The following LRRC8E variants were observed in gnomAD, a reference collection of about 807,000 sequenced individuals.
LRRC8E encodes the protein volume-regulated anion channel subunit LRRC8E.
A neutral mutation model predicts 6.1 loss-of-function variants in LRRC8E; 6 were observed. That is an observed-to-expected ratio of 0.98 (90% confidence interval 0.54 to 1.93). The LOEUF (loss-of-function observed/expected upper bound fraction) is 1.93, where lower values mean the gene tolerates loss of function less well. LRRC8E is among the 30% of genes most tolerant of loss of function. The pLI is 0.01. For missense variants in LRRC8E, 1,028 were observed against 1,031.4 expected (o/e 1.00, Z 0.04); for synonymous variants, 485 against 472.8 (o/e 1.03, Z -0.33).
At chr19:7,893,548 T>TC (rs935040004) in intron 1 of LRRC8E, 14 of 56,632 alleles carry the variant, frequency 2.5e-4, no homozygotes, top group African/African-American at 6.5e-4. Context: ...ACCCATGACT[T>TC]TTTTTTTTTT....
At chr19:7,891,523 G>GT (rs1981307020) in intron 1 of LRRC8E, among the ~76,000 whole-genome samples, 1 of 124,966 alleles carries the variant, frequency 8.0e-6, no homozygotes, top group Non-Finnish European at 1.7e-5. Context: ...GTCCCTGCTC[G>GT]GGTGTGTGTG....
intron 1 of LRRC8E, among the ~76,000 whole-genome samples, chr19:7,893,367 C>T (rs893098128): frequency 6.6e-6 from 1 of 151,800 alleles, no homozygotes; most frequent in African/African-American, 2.4e-5. Context: ...TCTCGAACTC[C>T]TAACCTCAAG....
Position 7,895,381 on chromosome 19 carries a change from A to C in LRRC8E, c.-5-218A>C. The C allele has an allele frequency of 1.8e-6, 1 of 556,732 alleles. No homozygotes were observed. The highest frequency in any genetic ancestry group is 3.2e-6 in the Non-Finnish European group (1 of 308,762). The allele number at this position is 556,732 out of a possible 1,614,324, so 34.5% of individuals were successfully genotyped here. On this transcript the variant is annotated intron_variant, in intron 1 of 2. Transcript: ENST00000306708. The surrounding 1 kb of genome is among the most constrained non-coding windows in gnomAD (Gnocchi z 4.7). ...CAGGTGCAGGGGTGCCCAGAGGGGA[A>C]CAGTGGCCGCTTGGTTCTGGGCAGG...
In LRRC8E at chr19:7,900,645, A is replaced by C. The variant is rs759667070; in HGVS notation, c.2123A>C (p.Tyr708Ser). ...LQNLQHLALS[Y>S]NALEALPEEL... Reference sequence around the variant, plus strand: ...AACCTACAGCACCTGGCCCTCTCCTACAATGCCCTGGAGGCCCTGCCCGAA... The same window carrying C: ...AACCTACAGCACCTGGCCCTCTCCTCCAATGCCCTGGAGGCCCTGCCCGAA... The change falls in exon 3 of 3, where the codon TAC becomes TCC. Residue 708 changes from tyrosine to serine, a missense_variant. Tyr to Ser is a moderately radical substitution (Grantham distance 144). Coordinates refer to ENST00000306708, the MANE Select transcript of LRRC8E (RefSeq NM_025061.6). This position sits in a 1 kb window ranked among gnomAD's most constrained non-coding sequence, Gnocchi z 5.0. 1 of 1,613,390 alleles carries C rather than the reference A, an allele frequency of 6.2e-7. No individual in the cohort carries two copies. The highest frequency in any genetic ancestry group is 8.5e-7 in the Non-Finnish European group (1 of 1,180,014).
rs563202165 is a variant in LRRC8E at position 7,898,594 on chromosome 19, A to G, written c.139-67A>G. On this transcript the variant is annotated intron_variant, in intron 2 of 2. Coordinates refer to ENST00000306708, the MANE Select transcript of LRRC8E (RefSeq NM_025061.6). The stretch of plus-strand genomic sequence containing the variant: ...GGCTGGTCTCGAACTCCTGACCTAA[A>G]GTGATCCACTCGCCTTGGCCTCCCA... 150 of 1,407,786 alleles carry G rather than the reference A, an allele frequency of 1.1e-4. 1 individual carries two copies. The African/African-American group carries it at 2.1e-3, about 20-fold the overall frequency. 87.2% of individuals were successfully genotyped at this position (1,407,786 alleles called of 1,614,324 possible). A position where few individuals can be genotyped will look rare whatever the true frequency, so the allele number is the denominator to read the frequency against.
chr19:7,896,657 G>T (rs988339515), intron 2 of LRRC8E, among the ~76,000 whole-genome samples: 21 of 152,100 alleles, frequency 1.4e-4, no homozygotes, highest in African/African-American at 4.8e-4. Context: ...GCAGTGGCAT[G>T]ATCACAGCTC....
chr19:7,898,353 C>T (rs997673122), intron 2 of LRRC8E, among the ~76,000 whole-genome samples: 4 of 151,872 alleles, frequency 2.6e-5, no homozygotes, highest in Admixed American at 2.0e-4. Flanking sequence ...CTCATTTTCT[C>T]TCTTTTTTAA....
rs1307213636 is a variant in LRRC8E at position 7,899,252 on chromosome 19, C to T, written c.730C>T (p.His244Tyr). 1 of 1,614,194 alleles carries T rather than the reference C, an allele frequency of 6.2e-7. No homozygotes were observed. The highest frequency in any genetic ancestry group is 8.5e-7 in the Non-Finnish European group (1 of 1,180,032). The change falls in exon 3 of 3, where the codon CAC (histidine) becomes TAC (tyrosine). Residue 244 changes from histidine (H) to tyrosine (Y), a missense_variant. His to Tyr is a moderately conservative substitution (Grantham distance 83, BLOSUM62 2). Transcript: ENST00000306708. Reference protein sequence around the residue: ...LFEKVKKFRMHVEEGDILYTM... With the variant: ...LFEKVKKFRMYVEEGDILYTM... ...TGAGAAGGTGAAGAAGTTCCGCATG[C>T]ACGTGGAAGAGGGCGACATCCTGTA...
In LRRC8E at chr19:7,890,056, C is replaced by G. The variant is rs1981222488; in HGVS notation, c.-6+1456C>G. On this transcript the variant is annotated intron_variant, in intron 1 of 2. Coordinates refer to ENST00000306708, the MANE Select transcript of LRRC8E (RefSeq NM_025061.6). The stretch of plus-strand genomic sequence containing the variant: ...CACTGTGTCCGTCAGGACTCTATGT[C>G]TAAAAAAAAAAAAAGGTTGGGCCTT... Among the ~76,000 whole-genome samples, 6 of 140,220 alleles carry G rather than the reference C, an allele frequency of 4.3e-5. 1 individual carries two copies. 92.0% of individuals were successfully genotyped at this position (140,220 alleles called of 152,430 possible).
Position 7,889,441 on chromosome 19 carries a change from C to CAA in LRRC8E, c.-6+853_-6+854dup, listed in dbSNP as rs113557470. On this transcript the variant is annotated intron_variant, in intron 1 of 2. Transcript: ENST00000306708. ...TGGGCAACAGAGCGACACTCCATCT[C>CAA]AAAAAAAAAAAAAGATTGAGGCCAG... Among the ~76,000 whole-genome samples the CAA allele has an allele frequency of 3.5e-4, 50 of 141,264 alleles. 1 individual carries two copies. The South Asian group carries it at 8.0e-3, about 23-fold the overall frequency. The allele number at this position is 141,264 out of a possible 152,430, so 92.7% of individuals were successfully genotyped here.
intron 1 of LRRC8E, among the ~76,000 whole-genome samples, chr19:7,892,952 G>A (rs1047253311): frequency 2.0e-5 from 3 of 152,180 alleles, no homozygotes; most frequent in African/African-American, 7.2e-5. Context: ...AGCCTCCCGA[G>A]TAACCGGGAC....
rs1325728638 is a variant in LRRC8E at position 7,901,925 on chromosome 19, C to T, written c.*1012C>T. Reference sequence around the variant, plus strand: ...GTGGGTGGACTGCAGGGTTAGGACACCTGCTATAGAGGTGACATTTTTCCA... The same window carrying T: ...GTGGGTGGACTGCAGGGTTAGGACATCTGCTATAGAGGTGACATTTTTCCA... On this transcript the variant is annotated 3_prime_UTR_variant, in exon 3 of 3. Coordinates refer to ENST00000306708, the MANE Select transcript of LRRC8E (RefSeq NM_025061.6). 1 of 152,110 alleles carries T rather than the reference C, an allele frequency of 6.6e-6. No individual in the cohort carries two copies. The highest frequency in any genetic ancestry group is 1.5e-5 in the Non-Finnish European group (1 of 68,024). 9.4% of individuals were successfully genotyped at this position (152,110 alleles called of 1,614,324 possible). A position where few individuals can be genotyped will look rare whatever the true frequency, so the allele number is the denominator to read the frequency against.
At chr19:7,896,936 A>C (rs1057323737) in intron 2 of LRRC8E, among the ~76,000 whole-genome samples, 10 of 152,060 alleles carry the variant, frequency 6.6e-5, no homozygotes, top group Non-Finnish European at 1.2e-4. Context: ...AGAATCTGGA[A>C]AGGACTGCAG....
rs1265305198 is a variant in LRRC8E, at chr19:7,899,952, C to T, written c.1430C>T (p.Ser477Phe). Residue 477 changes from serine to phenylalanine, a missense_variant, in exon 3 of 3, where the codon TCC (serine) becomes TTC (phenylalanine). Transcript: ENST00000306708. The part of the protein sequence containing the change: ...LLHSPARLPF[S>F]LQVFLRDHLK... ...CACTCGCCCGCCAGGCTACCCTTCT[C>T]CTTGCAGGTCTTCCTGCGGGACCAC... 1 of 1,609,186 alleles carries T rather than the reference C, an allele frequency of 6.2e-7. No homozygotes were observed. The highest frequency in any genetic ancestry group is 1.3e-5 in the African/African-American group (1 of 75,052).
intron 1 of LRRC8E, among the ~76,000 whole-genome samples, chr19:7,890,091 A>C (rs1292773093): frequency 6.6e-6 from 1 of 151,270 alleles, no homozygotes; most frequent in Non-Finnish European, 1.5e-5. Flanking sequence ...TGTTTTCTAC[A>C]AAACCCCTCT....
rs1244144229 is a variant in LRRC8E, at chr19:7,899,461, C to T, written c.939C>T (p.Ala313=). 1.2e-6 allele frequency: 2 copies of T among 1,614,150 alleles called. No homozygotes were observed. The highest frequency in any genetic ancestry group is 1.1e-5 in the South Asian group (1 of 91,088). ...AGGCCCACCTCTTCTCCAAGCTGGCCTTCTGTTACATCTCCTTTGTGTGCA... is the reference window on the plus strand; with the variant it reads ...AGGCCCACCTCTTCTCCAAGCTGGCTTTCTGTTACATCTCCTTTGTGTGCA... The part of the protein sequence containing the change: ...HTKAHLFSKL[A]FCYISFVCIY... The change falls in exon 3 of 3, where the codon GCC becomes GCT. Residue 313 remains alanine, a synonymous_variant. Transcript: ENST00000306708.
At chr19:7,893,153 C>A (rs1408972880) in intron 1 of LRRC8E, among the ~76,000 whole-genome samples, 2 of 152,086 alleles carry the variant, frequency 1.3e-5, no homozygotes, top group Non-Finnish European at 2.9e-5. Flanking sequence ...ATTACAGGCA[C>A]CTGCCACCAC....
chr19:7,891,524 G>GGTGTGTGTGTGTGTGTGT (rs577011407), intron 1 of LRRC8E, among the ~76,000 whole-genome samples: 2 of 125,940 alleles, frequency 1.6e-5, no homozygotes, highest in East Asian at 2.0e-4. Flanking sequence ...TCCCTGCTCG[G>GGTGTGTGTGTGTGTGTGT]GTGTGTGTGT....
chr19:7,897,137 C>T (rs1981636393), intron 2 of LRRC8E, among the ~76,000 whole-genome samples: 1 of 151,636 alleles, frequency 6.6e-6, no homozygotes, highest in South Asian at 2.1e-4. Flanking sequence ...AGTTCCTTGG[C>T]TTGTAGATGA....
Sources: allele counts gnomAD v4.1 joint callset (sites outside exome capture counted in the v4.1 genomes callset), GRCh38; gene constraint gnomAD v4.1.1; non-coding constraint Gnocchi (gnomAD v3.1); transcripts MANE v1.5; gene names NCBI Gene and HGNC (gene_info 2026-07-23, HGNC 2026-07-21).